SNCG: variants seen among roughly 807,000 people sequenced by gnomAD.
SNCG encodes gamma-synuclein.
SNCG carries 13 observed loss-of-function variants against 16.0 expected under a neutral mutation model. The ratio of observed to expected loss-of-function variants is 0.81; its 90% confidence interval spans 0.53 to 1.29. The LOEUF (loss-of-function observed/expected upper bound fraction) is 1.29. Among genes scored for constraint, SNCG ranks in the 50% most tolerant of loss-of-function variants. The probability of loss-of-function intolerance (pLI) is 0.00; values close to 1 mark genes in which losing one functional copy is unlikely to be tolerated. For synonymous variants in SNCG, 66 were observed against 66.3 expected (o/e 1.00, Z 0.02); for missense variants, 154 against 168.5 (o/e 0.91, Z 0.48).
At chr10:86,958,099 A>G (rs1034284092), upstream of SNCG, 3 of 984,832 alleles carry the variant, frequency 3.0e-6, no homozygotes, top group African/African-American at 1.8e-5. Flanking sequence ...AGATCCTCCA[A>G]CCGGTTTCAT....
upstream of SNCG, among the ~76,000 whole-genome samples, chr10:86,956,963 T>C (rs139779764): frequency 1.7e-3 from 261 of 152,238 alleles, no homozygotes; most frequent in African/African-American, 5.7e-3. Flanking sequence ...GCAGTCAGAG[T>C]CAGGTCCCCA....
chr10:86,962,521 G>T (rs751170616), intron 3 of SNCG, 83 bp from the exon 4 acceptor site: 144 of 1,006,176 alleles, frequency 1.4e-4, no homozygotes, highest in Non-Finnish European at 1.9e-4. Flanking sequence ...CTTGAGGCCA[G>T]GGTAGACAAG....
At chr10:86,957,610 T>C, upstream of SNCG, 2 of 1,504,472 alleles carry the variant, frequency 1.3e-6, no homozygotes, top group Non-Finnish European at 1.8e-6. Context: ...CTAGTGACGT[T>C]GTCTTCAAGT....
intron 1 of SNCG, 107 bp downstream of exon 1, chr10:86,958,925 G>A: frequency 5.5e-6 from 7 of 1,268,176 alleles, no homozygotes; most frequent in South Asian, 2.9e-5. Flanking sequence ...TTTGGGAGGG[G>A]GCGAGGCCCT....
At chr10:86,958,497 T>TACCAACCCA, upstream of SNCG, 1 of 1,098,156 alleles carries the variant, frequency 9.1e-7, no homozygotes, top group Non-Finnish European at 1.2e-6. Context: ...TGAACCTCCT[T>TACCAACCCA]CCCTCCCTCC....
upstream of SNCG, chr10:86,958,248 GCCTCC>G (rs1844269930): frequency 1.0e-6 from 1 of 968,816 alleles, no homozygotes; most frequent in African/African-American, 1.8e-5. Flanking sequence ...TGGCCAAGGC[GCCTCC>G]CCTCTCTGTG....
chr10:86,959,478 C>T lies in SNCG; in HGVS notation c.122-155C>T, dbSNP rs1844300368. On this transcript the variant is annotated intron_variant, in intron 1 of 4. Transcript: ENST00000372017. The surrounding 1 kb of genome is among the most constrained non-coding windows in gnomAD (Gnocchi z 4.3). The stretch of plus-strand genomic sequence containing the variant: ...ATCCATCCACTTCTTCCAGACACAG[C>T]AGGAAGAGGCCCTCTGAAGGGGCCG... 7.5e-6 allele frequency: 5 copies of T among 668,068 alleles called. No homozygotes were observed. In the South Asian group the frequency reaches 8.5e-5, roughly 11 times the overall value. 41.4% of individuals were successfully genotyped at this position (668,068 alleles called of 1,614,324 possible). A position where few individuals can be genotyped will look rare whatever the true frequency, so the allele number is the denominator to read the frequency against.
intron 1 of SNCG, 142 bp downstream of exon 1, chr10:86,958,960 C>G: frequency 1.2e-6 from 1 of 839,362 alleles, no homozygotes; most frequent in African/African-American, 1.7e-5. Flanking sequence ...GGTCTCCAGA[C>G]CCTGGAGCAC....
rs1844294016 is a variant in SNCG at position 86,959,209 on chromosome 10, G to A, written c.121+391G>A. ...AGGTCACGGATCCCCTCCCTCCCCA[G>A]AGAGAAGGGGCAGGCTGGGGGATGA... On this transcript the variant is annotated intron_variant, in intron 1 of 4. Transcript: ENST00000372017. The surrounding 1 kb of genome is among the most constrained non-coding windows in gnomAD (Gnocchi z 4.3). Among the ~76,000 whole-genome samples, 1 of 152,140 alleles carries A rather than the reference G, an allele frequency of 6.6e-6. No individual in the cohort carries two copies. Among genetic ancestry groups the A allele is most frequent in the Admixed American group, 6.5e-5 (1 of 15,278 alleles).
chr10:86,959,948 G>A lies in SNCG; in HGVS notation c.164-53G>A, dbSNP rs2133695056. 1.9e-6 allele frequency: 3 copies of A among 1,555,826 alleles called. No individual in the cohort carries two copies. The East Asian group carries it at 7.2e-5, about 37-fold the overall frequency. On this transcript the variant is annotated intron_variant, in intron 2 of 4. Coordinates refer to ENST00000372017, the MANE Select transcript of SNCG (RefSeq NM_003087.3). This position sits in a 1 kb window ranked among gnomAD's most constrained non-coding sequence, Gnocchi z 4.3. ...AGGGGCTGCGAGCCTGACTCCAGCAGGCCTGCCTTGGGGCTGGGGCTGGGG... is the reference window on the plus strand; with the variant it reads ...AGGGGCTGCGAGCCTGACTCCAGCAAGCCTGCCTTGGGGCTGGGGCTGGGG...
At chr10:86,960,254 C>A in intron 3 of SNCG, 126 bp downstream of exon 3, 1 of 944,014 alleles carries the variant, frequency 1.1e-6, no homozygotes, top group Non-Finnish European at 1.6e-6. Flanking sequence ...GCTTCAGTTT[C>A]AGTACCCACT....
At chr10:86,961,499 C>T (rs948792974) in intron 3 of SNCG, among the ~76,000 whole-genome samples, 12 of 152,112 alleles carry the variant, frequency 7.9e-5, no homozygotes, top group Admixed American at 2.6e-4. Context: ...CCAGGGGGCT[C>T]CTCCCTCCTC....
In SNCG at chr10:86,962,968, CAGAGTGGGGG is replaced by C; in HGVS notation, c.371_380del (p.Ser124ThrfsTer32). On this transcript the variant is annotated frameshift_variant, in exon 5 of 5. Coordinates refer to ENST00000372017, the MANE Select transcript of SNCG (RefSeq NM_003087.3). LOFTEE classifies it high-confidence loss of function. ...TGCAGGTCATTCTCTCTCCCAGGCCCAGAGTGGGGGAGACTAGAGGGCTACAGGCCAGCGT... is the reference window on the plus strand; with the variant it reads ...TGCAGGTCATTCTCTCTCCCAGGCCCAGACTAGAGGGCTACAGGCCAGCGT... 6.2e-7 allele frequency: 1 copy of C among 1,603,518 alleles called. No individual in the cohort carries two copies.
At chr10:86,956,163 G>A (rs897217549), upstream of SNCG, among the ~76,000 whole-genome samples, 4 of 38,728 alleles carry the variant, frequency 1.0e-4, no homozygotes, top group South Asian at 1.1e-3. Context: ...TCCCCTTGCC[G>A]CCCCACCACC....
chr10:86,958,968 C>A (rs1042358930), intron 1 of SNCG, 150 bp downstream of exon 1: 3 of 810,510 alleles, frequency 3.7e-6, no homozygotes, highest in East Asian at 5.4e-5. Flanking sequence ...GACCCTGGAG[C>A]ACCCACAATG....
chr10:86,962,722 G>T lies in SNCG; in HGVS notation c.363+47G>T, dbSNP rs537228671. Reference sequence around the variant, plus strand: ...TGCACCATGGGGGGTTCCTTGGTAGGGACCCCATCCCCCACAGACGCACTG... The same window carrying T: ...TGCACCATGGGGGGTTCCTTGGTAGTGACCCCATCCCCCACAGACGCACTG... On this transcript the variant is annotated intron_variant, in intron 4 of 4. Coordinates refer to ENST00000372017, the MANE Select transcript of SNCG (RefSeq NM_003087.3). The T allele has an allele frequency of 1.9e-5, 28 of 1,489,498 alleles. 1 individual carries two copies. The South Asian group carries it at 3.2e-4, about 17-fold the overall frequency. The allele number at this position is 1,489,498 out of a possible 1,614,324, so 92.3% of individuals were successfully genotyped here.
chr10:86,958,365 C>T (rs1049154910), upstream of SNCG: 6 of 985,304 alleles, frequency 6.1e-6, no homozygotes, highest in Admixed American at 1.8e-4. Flanking sequence ...GAATGAGGGA[C>T]AGGTTGGGAG....
chr10:86,957,671 C>A (rs1338306174), upstream of SNCG: 9 of 1,361,252 alleles, frequency 6.6e-6, no homozygotes, highest in Non-Finnish European at 8.8e-6. Flanking sequence ...GAGGAAGTGG[C>A]CTGGGCCGGC....
intron 3 of SNCG, 103 bp downstream of exon 3, chr10:86,960,231 G>T: frequency 1.7e-6 from 2 of 1,178,776 alleles, no homozygotes; most frequent in Middle Eastern, 2.5e-4. Flanking sequence ...AACAACACGG[G>T]GGGCTGCGGC....
Sources: gnomAD v4.1 joint callset for allele counts (sites outside exome capture counted in the v4.1 genomes callset) on GRCh38, gnomAD v4.1.1 for gene constraint, Gnocchi (gnomAD v3.1) non-coding constraint, MANE v1.5 for transcripts, NCBI Gene and HGNC (gene_info 2026-07-23, HGNC 2026-07-21) for gene names.